Variants in SPEF2 observed in about 807,000 individuals in gnomAD.
The protein encoded by SPEF2 is sperm flagellar and cilia associated 2.
SPEF2 carries 187 observed loss-of-function variants against 224.6 expected under a neutral mutation model. That is an observed-to-expected ratio of 0.83 (90% CI 0.74 to 0.94). The LOEUF (loss-of-function observed/expected upper bound fraction) is 0.94, where lower values mean the gene tolerates loss of function less well. Ranked by LOEUF, SPEF2 falls within the 40% of genes least tolerant of loss-of-function variation. The pLI is 0.00. For missense variants in SPEF2, 2,170 were observed against 2,135.6 expected (o/e 1.02, Z -0.32); for synonymous variants, 715 against 707.3 (o/e 1.01, Z -0.17).
At chr5:35,700,042 T>G (rs6884001) in intron 15 of SPEF2, 88,225 of 163,616 alleles carry the variant, frequency 0.54, 24,349 homozygotes, top group African/African-American at 0.57. Context: ...AGATGTGATG[T>G]TTTTAAAAAC....
chr5:35,764,311 T>C (rs369263220), intron 26 of SPEF2, among the ~76,000 whole-genome samples: 3 of 152,026 alleles, frequency 2.0e-5, no homozygotes, highest in Non-Finnish European at 2.9e-5. Context: ...CGATGGAGAA[T>C]TAAGGTTCAG....
At chr5:35,653,946 CA>C (rs67527515) in intron 6 of SPEF2, among the ~76,000 whole-genome samples, 7,861 of 87,966 alleles carry the variant, frequency 0.089, 304 homozygotes, top group African/African-American at 0.18. Flanking sequence ...GACTCTGTCT[CA>C]AAAAAAAAAA....
chr5:35,793,759 C>CACACACACACAA, intron 32 of SPEF2, among the ~76,000 whole-genome samples: 1 of 141,870 alleles, frequency 7.0e-6, no homozygotes, highest in South Asian at 2.3e-4. Context: ...CACACACACA[C>CACACACACACAA]ACACACACAG....
At chr5:35,698,617 C>T (rs145659140) in intron 15 of SPEF2, 212 of 152,446 alleles carry the variant, frequency 1.4e-3, no homozygotes, top group Admixed American at 5.9e-3. Flanking sequence ...CTCCATTACC[C>T]TCCTTCCACC....
chr5:35,789,988 A>C, intron 30 of SPEF2: 1 of 700,416 alleles, frequency 1.4e-6, no homozygotes, highest in Non-Finnish European at 2.6e-6. Context: ...AAAACTTGGG[A>C]GTCTCAATCT....
chr5:35,714,260 A>G (rs183271191), intron 20 of SPEF2, among the ~76,000 whole-genome samples: 2 of 151,322 alleles, frequency 1.3e-5, no homozygotes, highest in Non-Finnish European at 2.9e-5. Context: ...ACCATCAAAG[A>G]GTAAAGAGAA....
At position 35,671,257 on chromosome 5, in the gene SPEF2, T is replaced by C. The variant is rs561340937; in HGVS notation, c.1524+1030T>C. The stretch of plus-strand genomic sequence containing the variant: ...ACAATGAACAAAGAAAAGTGCAAAA[T>C]AACACTAACAAGTAAATATTACAAG... On this transcript the variant is annotated intron_variant, in intron 10 of 36. Coordinates refer to ENST00000356031, the MANE Select transcript of SPEF2 (RefSeq NM_024867.4). The C allele has an allele frequency of 1.8e-5, 18 of 979,212 alleles. No homozygotes were observed. The South Asian group carries it at 8.0e-4, about 44-fold the overall frequency. The allele number at this position is 979,212 out of a possible 1,614,324, so 60.7% of individuals were successfully genotyped here.
At chr5:35,796,891 G>C (rs1756746800) in intron 33 of SPEF2, among the ~76,000 whole-genome samples, 1 of 152,112 alleles carries the variant, frequency 6.6e-6, no homozygotes, top group South Asian at 2.1e-4. Flanking sequence ...AAAAGTCCAA[G>C]ACATAAGGTT....
chr5:35,725,118 C>T (rs907926998), intron 20 of SPEF2, among the ~76,000 whole-genome samples: 1 of 152,196 alleles, frequency 6.6e-6, no homozygotes, highest in African/African-American at 2.4e-5. Context: ...TGGCTCCTTG[C>T]CTAACACCGG....
At chr5:35,765,644 A>C (rs1751989914) in intron 26 of SPEF2, among the ~76,000 whole-genome samples, 1 of 152,166 alleles carries the variant, frequency 6.6e-6, no homozygotes, top group Non-Finnish European at 1.5e-5. Flanking sequence ...CCAATATACC[A>C]TTTATTTGTT....
rs756536193 is a variant in SPEF2 at position 35,667,073 on chromosome 5, C to G, written c.1169C>G (p.Ala390Gly). Residue 390 changes from alanine to glycine, a missense_variant and splice_region_variant, in exon 9 of 37, where the codon GCT (alanine) becomes GGT (glycine). Ala to Gly is a moderately conservative substitution (Grantham distance 60). Coordinates refer to ENST00000356031, the MANE Select transcript of SPEF2 (RefSeq NM_024867.4). ...DFQDALDREA[A>G]LAKQAKIDFE... ...AAAAATATGTTTTTGCCTTTTTAGG[C>G]TTTGGCAAAACAAGCCAAGATTGAC... is the stretch of plus-strand genomic sequence containing the variant. 13 of 1,596,366 alleles carry G rather than the reference C, an allele frequency of 8.1e-6. No homozygotes were observed. The Admixed American group carries it at 1.6e-4, about 20-fold the overall frequency.
chr5:35,677,144 A>G (rs1413313650), intron 10 of SPEF2, among the ~76,000 whole-genome samples: 2 of 152,202 alleles, frequency 1.3e-5, no homozygotes, highest in African/African-American at 4.8e-5. Flanking sequence ...AGAACAAGTC[A>G]TAATGCCTAT....
chr5:35,673,658 A>G (rs1321118949), intron 10 of SPEF2, among the ~76,000 whole-genome samples: 1 of 152,110 alleles, frequency 6.6e-6, no homozygotes, highest in African/African-American at 2.4e-5. Flanking sequence ...CATGATTTTT[A>G]ATTGCTGCTA....
At chr5:35,740,095 T>C (rs754583057) in intron 22 of SPEF2, 34 bp from the exon 23 acceptor site, 1 of 1,614,062 alleles carries the variant, frequency 6.2e-7, no homozygotes, top group South Asian at 1.1e-5. Flanking sequence ...AGGCATGACA[T>C]ATAAAATTTA....
chr5:35,808,025 G>A (rs563678777), intron 36 of SPEF2: 56 of 1,181,280 alleles, frequency 4.7e-5, no homozygotes, highest in Non-Finnish European at 5.9e-5. Flanking sequence ...AAATAAAAGC[G>A]CTTTCACTTT....
chr5:35,681,753 T>C (rs1752838690), intron 10 of SPEF2, among the ~76,000 whole-genome samples: 1 of 152,194 alleles, frequency 6.6e-6, no homozygotes, highest in Non-Finnish European at 1.5e-5. Flanking sequence ...CAATGTAGAA[T>C]GCATTTTTTT....
chr5:35,762,510 A>G (rs1480960771), intron 25 of SPEF2, among the ~76,000 whole-genome samples: 3 of 152,172 alleles, frequency 2.0e-5, no homozygotes, highest in African/African-American at 7.2e-5. Flanking sequence ...TAGGCACGGT[A>G]GACTGTGCCT....
At chr5:35,685,698 A>G (rs1203052593) in intron 10 of SPEF2, among the ~76,000 whole-genome samples, 4 of 152,024 alleles carry the variant, frequency 2.6e-5, no homozygotes, top group Non-Finnish European at 2.9e-5. Context: ...GTGTAGTAAT[A>G]TTTATAAATC....
intron 15 of SPEF2, 49 bp from the exon 16 acceptor site, chr5:35,700,447 A>C (rs1738376924): frequency 6.6e-7 from 1 of 1,523,720 alleles, no homozygotes. Flanking sequence ...GTATTTCCAA[A>C]GTACTTGTGT....
Sources: allele counts gnomAD v4.1 joint callset (sites outside exome capture counted in the v4.1 genomes callset), GRCh38; gene constraint gnomAD v4.1.1; transcripts MANE v1.5; gene names NCBI Gene and HGNC (gene_info 2026-07-23, HGNC 2026-07-21).